The following WWP2 variants were observed in gnomAD, a reference collection of about 807,000 sequenced individuals.
WWP2 encodes the protein WW domain containing E3 ubiquitin protein ligase 2.
In WWP2, 57 loss-of-function variants were observed where a neutral mutation model predicts 121.0. The observed-to-expected ratio is 0.47, with a 90% CI of 0.38 to 0.59. WWP2 has a LOEUF of 0.59. Among genes scored for constraint, WWP2 ranks in the 20% least tolerant of loss-of-function variants. The probability of loss-of-function intolerance (pLI) is 0.00; values close to 1 mark genes in which losing one functional copy is unlikely to be tolerated. For synonymous variants in WWP2, 449 were observed against 441.3 expected (o/e 1.02, Z -0.22); for missense variants, 962 against 1,158.9 (o/e 0.83, Z 2.47).
chr16:69,871,353 AC>A (rs1452551116), intron 6 of WWP2, among the ~76,000 whole-genome samples: 1 of 152,218 alleles, frequency 6.6e-6, no homozygotes, highest in African/African-American at 2.4e-5. Context: ...ATGCCCCTTG[AC>A]TTTTATTGCC....
chr16:69,773,884 A>G (rs1316476900), intron 1 of WWP2, among the ~76,000 whole-genome samples: 2 of 152,228 alleles, frequency 1.3e-5, no homozygotes, highest in East Asian at 3.8e-4. Context: ...GTGCAGTCAC[A>G]TTAGTTGAGG....
Position 69,832,544 on chromosome 16 carries a change from A to T in WWP2, c.341-7582A>T, listed in dbSNP as rs182113383. 6.5e-3 allele frequency among the ~76,000 whole-genome samples: 994 copies of T among 152,238 alleles called. 10 individuals carry two copies. The highest frequency in any genetic ancestry group is 0.022 in the African/African-American group (928 of 41,548). ...AACCCTTTCATTTTATTTTTAAAAA[A>T]TTTTTAATGTTTTTTGAGACAGAGT... On this transcript the variant is annotated intron_variant, in intron 4 of 23. Transcript: ENST00000359154.
At chr16:69,801,315 T>TGGG (rs2056161321) in intron 4 of WWP2, among the ~76,000 whole-genome samples, 3 of 151,808 alleles carry the variant, frequency 2.0e-5, no homozygotes, top group Admixed American at 2.0e-4. Flanking sequence ...CACCGTAGCC[T>TGGG]CTGCTCCTGG....
intron 4 of WWP2, among the ~76,000 whole-genome samples, chr16:69,835,556 C>T (rs1439452508): frequency 6.6e-6 from 1 of 152,130 alleles, no homozygotes; most frequent in Non-Finnish European, 1.5e-5. Flanking sequence ...AAATGCCATC[C>T]ACCTATTTCT....
chr16:69,908,493 T>A (rs1348044133), intron 8 of WWP2, among the ~76,000 whole-genome samples: 1 of 152,254 alleles, frequency 6.6e-6, no homozygotes, highest in Non-Finnish European at 1.5e-5. Flanking sequence ...TATATTCCTG[T>A]CAGTCATTTA....
chr16:69,912,225 G>A (rs2058388382), intron 9 of WWP2, among the ~76,000 whole-genome samples: 1 of 151,432 alleles, frequency 6.6e-6, no homozygotes, highest in Non-Finnish European at 1.5e-5. Context: ...AGCGGCGGAG[G>A]TTACAGTGAG....
At chr16:69,909,803 A>G in intron 9 of WWP2, 1 of 704,698 alleles carries the variant, frequency 1.4e-6, no homozygotes, top group Non-Finnish European at 1.7e-6. Flanking sequence ...AGATATAGAG[A>G]GAATAATGTT....
chr16:69,790,933 T>C (rs2055896529), intron 2 of WWP2, among the ~76,000 whole-genome samples: 1 of 152,184 alleles, frequency 6.6e-6, no homozygotes, highest in Non-Finnish European at 1.5e-5. Context: ...ATGGATTGCC[T>C]GTTCATGTTC....
chr16:69,854,708 G>T (rs1336935757), intron 6 of WWP2, among the ~76,000 whole-genome samples: 1 of 151,930 alleles, frequency 6.6e-6, no homozygotes, highest in Admixed American at 6.6e-5. Context: ...CTGCCACCAC[G>T]CCTGGATAAT....
intron 10 of WWP2, among the ~76,000 whole-genome samples, chr16:69,923,331 C>T (rs931288717): frequency 8.1e-5 from 12 of 147,758 alleles, no homozygotes; most frequent in African/African-American, 2.5e-4. Flanking sequence ...GGGGGGGGTG[C>T]GTTCTGATAG....
In WWP2 at chr16:69,925,368, A is replaced by G; in HGVS notation, c.1180-62A>G. On this transcript the variant is annotated intron_variant, in intron 10 of 23. Transcript: ENST00000359154. This position sits in a 1 kb window ranked among gnomAD's most constrained non-coding sequence, Gnocchi z 4.0. ...TGGCATTTTTATTTTTTATTGATTG[A>G]TTGATTTTTTCACCAGTGGCTTTTT... 6.3e-7 allele frequency: 1 copy of G among 1,589,214 alleles called. No homozygotes were observed. Among genetic ancestry groups the G allele is most frequent in the Non-Finnish European group, 8.6e-7 (1 of 1,166,794 alleles).
At position 69,908,850 on chromosome 16, in the gene WWP2, G is replaced by C. The variant is rs2058339093; in HGVS notation, c.1004G>C (p.Gly335Ala). Residue 335 changes from glycine (G) to alanine (A), a missense_variant and splice_region_variant, in exon 9 of 24, where the codon GGC becomes GCC. This residue lies in a region of WWP2 where 606 missense variants were observed against 772.6 expected (regional missense o/e 0.78). Coordinates refer to ENST00000359154, the MANE Select transcript of WWP2 (RefSeq NM_001270454.2). ...ACCTGGGAGCGGCCCCTTCCTCCAG[G>C]GTAGGTCATCAACTGAGAAGACCTG... ...TTTWERPLPP[G>A]WEKRTDPRGR... 1 of 1,613,998 alleles carries C rather than the reference G, an allele frequency of 6.2e-7. No homozygotes were observed. Among genetic ancestry groups the C allele is most frequent in the Non-Finnish European group, 8.5e-7 (1 of 1,180,040 alleles).
intron 4 of WWP2, among the ~76,000 whole-genome samples, chr16:69,802,580 G>A (rs904146386): frequency 3.4e-5 from 5 of 147,426 alleles, no homozygotes; most frequent in African/African-American, 5.0e-5. Context: ...TGTAACATGC[G>A]TCAGAAGATT....
chr16:69,863,995 C>T (rs962041601), intron 6 of WWP2, among the ~76,000 whole-genome samples: 4 of 152,142 alleles, frequency 2.6e-5, no homozygotes, highest in African/African-American at 7.2e-5. Context: ...CAGTATTTGG[C>T]GCTTACAAGC....
At chr16:69,841,815 T>G (rs2056983582) in intron 5 of WWP2, among the ~76,000 whole-genome samples, 1 of 152,176 alleles carries the variant, frequency 6.6e-6, no homozygotes, top group African/African-American at 2.4e-5. Flanking sequence ...TTCCAAGGTT[T>G]GAGCCCCACT....
chr16:69,906,368 G>A (rs991807638), intron 8 of WWP2, among the ~76,000 whole-genome samples: 27 of 152,052 alleles, frequency 1.8e-4, no homozygotes, highest in African/African-American at 3.9e-4. Flanking sequence ...CACCGCACCC[G>A]GCCTTACGTA....
chr16:69,866,160 T>C (rs1417276378), intron 6 of WWP2, among the ~76,000 whole-genome samples: 4 of 152,174 alleles, frequency 2.6e-5, no homozygotes, highest in Non-Finnish European at 4.4e-5. Context: ...TATTATTATT[T>C]CTCAGTATTG....
At chr16:69,797,011 A>G (rs887851283) in intron 2 of WWP2, among the ~76,000 whole-genome samples, 2 of 152,226 alleles carry the variant, frequency 1.3e-5, no homozygotes, top group Non-Finnish European at 2.9e-5. Context: ...TCAGGCTAGG[A>G]TAGACTTGCC....
intron 4 of WWP2, among the ~76,000 whole-genome samples, chr16:69,810,194 A>G (rs2056362000): frequency 6.6e-6 from 1 of 152,220 alleles, no homozygotes; most frequent in Non-Finnish European, 1.5e-5. Context: ...TGGGAAACTC[A>G]GCTGGCTGTT....
Sources: allele counts gnomAD v4.1 joint callset (sites outside exome capture counted in the v4.1 genomes callset), GRCh38; gene constraint gnomAD v4.1.1; regional missense constraint gnomAD v4.1.1; non-coding constraint Gnocchi (gnomAD v3.1); transcripts MANE v1.5; gene names NCBI Gene and HGNC (gene_info 2026-07-23, HGNC 2026-07-21).